The following FRYL variants were observed in gnomAD, a reference collection of about 807,000 sequenced individuals.
FRYL encodes the protein protein furry homolog-like.
A neutral mutation model predicts 351.2 loss-of-function variants in FRYL; 150 were observed. The ratio of observed to expected loss-of-function variants is 0.43; its 90% CI spans 0.37 to 0.49. The LOEUF (loss-of-function observed/expected upper bound fraction) is 0.49. Ranked by LOEUF, FRYL falls within the 20% of genes least tolerant of loss-of-function variation. The pLI is 0.00. For synonymous variants in FRYL, 1,153 were observed against 1,257.1 expected (o/e 0.92, Z 1.75); for missense variants, 3,036 against 3,619.3 (o/e 0.84, Z 4.13).
chr4:48,616,187 T>G (rs1490518560), intron 7 of FRYL, among the ~76,000 whole-genome samples: 3 of 151,396 alleles, frequency 2.0e-5, no homozygotes, highest in Non-Finnish European at 2.9e-5. Context: ...CTGCATGTGC[T>G]GCACATGTAC....
At chr4:48,720,650 TTCTC>T (rs1240335655) in intron 1 of FRYL, among the ~76,000 whole-genome samples, 3 of 152,196 alleles carry the variant, frequency 2.0e-5, no homozygotes, top group Admixed American at 2.0e-4. Context: ...AGTCAACCCA[TTCTC>T]TCTGTCACAA....
intron 1 of FRYL, among the ~76,000 whole-genome samples, chr4:48,752,489 A>G (rs1773350022): frequency 6.6e-6 from 1 of 152,250 alleles, no homozygotes; most frequent in Non-Finnish European, 1.5e-5. Flanking sequence ...TGCTTCAACA[A>G]TTAACAATGA....
At chr4:48,635,367 G>C (rs770978568) in intron 3 of FRYL, among the ~76,000 whole-genome samples, 4 of 152,068 alleles carry the variant, frequency 2.6e-5, no homozygotes, top group Non-Finnish European at 5.9e-5. Flanking sequence ...TTGCAACTTG[G>C]GCTAAGAGGA....
intron 4 of FRYL, among the ~76,000 whole-genome samples, chr4:48,631,985 G>A (rs890987207): frequency 7.2e-6 from 1 of 138,812 alleles, no homozygotes; most frequent in African/African-American, 2.7e-5. Context: ...CCTGGGAGGT[G>A]AAGGTTGCAG....
At chr4:48,736,359 T>C (rs998296983) in intron 1 of FRYL, among the ~76,000 whole-genome samples, 3 of 151,662 alleles carry the variant, frequency 2.0e-5, no homozygotes, top group African/African-American at 7.3e-5. Flanking sequence ...AAATAAAAAT[T>C]AGAGTGGAAA....
At chr4:48,499,813 T>C (rs1719147175) in intron 63 of FRYL, 133 bp from the exon 64 acceptor site, 1 of 897,676 alleles carries the variant, frequency 1.1e-6, no homozygotes, top group African/African-American at 1.7e-5. Context: ...TGAGCAAATA[T>C]TACTCAAAGT....
intron 3 of FRYL, among the ~76,000 whole-genome samples, chr4:48,656,275 A>G (rs1175000412): frequency 7.8e-6 from 1 of 127,988 alleles, no homozygotes; most frequent in Admixed American, 8.3e-5. Context: ...ACATTATTCA[A>G]ATATGAATTC....
chr4:48,638,685 T>G (rs1482547428), intron 3 of FRYL: 1 of 152,156 alleles, frequency 6.6e-6, no homozygotes, highest in South Asian at 2.1e-4. Context: ...CTGTCCACGA[T>G]AGCAAAGACT....
In FRYL at chr4:48,557,485, C is replaced by T. The variant is rs190657630; in HGVS notation, c.4093G>A (p.Val1365Ile). ...GTCATATACATCAGATTGTTCAAAA[C>T]CATTGCAGTGGCTTGTGGAGATCCC... ...GWGSPQATAM[V>I]LNNLMYMTAK... Residue 1365 changes from valine to isoleucine, a missense_variant, in exon 34 of 64, where the codon GTT becomes ATT. Val to Ile is a conservative substitution (Grantham distance 29, BLOSUM62 3). Around this residue, in one of 7 missense-constraint regions of FRYL, gnomAD observed 1,987 missense variants for 2,311.7 expected, o/e 0.86. Coordinates refer to ENST00000358350, the MANE Select transcript of FRYL (RefSeq NM_015030.2). 2,749 of 1,614,154 alleles carry T rather than the reference C, an allele frequency of 1.7e-3. 16 individuals carry two copies. The highest frequency in any genetic ancestry group is 0.011 in the Middle Eastern group (67 of 6,062).
chr4:48,579,401 C>T (rs1228833140), intron 22 of FRYL, among the ~76,000 whole-genome samples, 160 bp from the exon 23 acceptor site: 1 of 152,126 alleles, frequency 6.6e-6, no homozygotes, highest in African/African-American at 2.4e-5. Flanking sequence ...CCTGAAACTG[C>T]ATGTAAAGTT....
At chr4:48,748,005 G>A (rs891551900) in intron 1 of FRYL, among the ~76,000 whole-genome samples, 1 of 152,194 alleles carries the variant, frequency 6.6e-6, no homozygotes, top group African/African-American at 2.4e-5. Context: ...CAGCACTCTG[G>A]GAGGCTGAAG....
chr4:48,607,852 G>A (rs1747198933), intron 9 of FRYL, among the ~76,000 whole-genome samples: 1 of 152,126 alleles, frequency 6.6e-6, no homozygotes, highest in African/African-American at 2.4e-5. Context: ...AGTTAACGTA[G>A]CCATGATGGA....
rs1462014863 is a variant in FRYL at position 48,502,853 on chromosome 4, A to T, written c.8464-8T>A. 1 of 1,609,316 alleles carries T rather than the reference A, an allele frequency of 6.2e-7. No individual in the cohort carries two copies. The highest frequency in any genetic ancestry group is 1.3e-5 in the African/African-American group (1 of 74,808). The stretch of plus-strand genomic sequence containing the variant: ...TGCTAGTATTTCCATTTGCTAAGCA[A>T]GAAGGTGATCAGGTCACAAAAAATA... On this transcript the variant is annotated splice_polypyrimidine_tract_variant and splice_region_variant and intron_variant, in intron 60 of 63. Coordinates refer to ENST00000358350, the MANE Select transcript of FRYL (RefSeq NM_015030.2).
At chr4:48,765,283 A>G (rs1324941274) in intron 1 of FRYL, among the ~76,000 whole-genome samples, 2 of 152,216 alleles carry the variant, frequency 1.3e-5, no homozygotes, top group Admixed American at 1.3e-4. Flanking sequence ...TCAAAGCAGT[A>G]TAGGATTGGC....
chr4:48,675,547 G>A (rs1024225078), intron 3 of FRYL, among the ~76,000 whole-genome samples: 44 of 152,238 alleles, frequency 2.9e-4, no homozygotes, highest in African/African-American at 4.8e-5. Flanking sequence ...CGCTGCGCTC[G>A]ATTTCTCACC....
intron 19 of FRYL, among the ~76,000 whole-genome samples, chr4:48,584,547 C>G (rs961432476): frequency 1.3e-5 from 2 of 152,116 alleles, no homozygotes; most frequent in African/African-American, 4.8e-5. Context: ...ATAGCGGCAC[C>G]AGGAGATACA....
chr4:48,584,505 T>C (rs1202760758), intron 19 of FRYL, among the ~76,000 whole-genome samples: 20 of 152,162 alleles, frequency 1.3e-4, no homozygotes, highest in Admixed American at 1.3e-3. Flanking sequence ...CAGGGTCAAA[T>C]GAAGCATCTC....
In FRYL at chr4:48,531,179, C is replaced by T. The variant is rs781006597; in HGVS notation, c.6880G>A (p.Asp2294Asn). Reference protein sequence around the residue: ...VSKELPGKTLDFHFDISETPI... With the variant: ...VSKELPGKTLNFHFDISETPI... ...ACCTCAGATATATCAAAATGAAAAT[C>T]TAAGGTCTTCCCAGGCAACTCCTTA... The change falls in exon 50 of 64, where the codon GAT (aspartate) becomes AAT (asparagine). Residue 2294 changes from aspartate (D) to asparagine (N), a missense_variant. Physicochemically the swap from Asp to Asn is conservative, Grantham distance 23 (BLOSUM62 1). Transcript: ENST00000358350. 32 of 1,607,820 alleles carry T rather than the reference C, an allele frequency of 2.0e-5. No individual in the cohort carries two copies. Among genetic ancestry groups the T allele is most frequent in the Non-Finnish European group, 2.2e-5 (26 of 1,174,866 alleles).
chr4:48,709,963 T>C (rs1279905824), intron 2 of FRYL, among the ~76,000 whole-genome samples: 2 of 152,220 alleles, frequency 1.3e-5, no homozygotes, highest in African/African-American at 4.8e-5. Flanking sequence ...AGGTCTCCCA[T>C]TTCTGCTCAA....
Sources: gnomAD v4.1 joint callset for allele counts (sites outside exome capture counted in the v4.1 genomes callset) on GRCh38, gnomAD v4.1.1 for gene constraint, gnomAD v4.1.1 regional missense constraint, MANE v1.5 for transcripts, NCBI Gene and HGNC (gene_info 2026-07-23, HGNC 2026-07-21) for gene names.